The following SERGEF variants were observed in gnomAD, a reference collection of about 807,000 sequenced individuals.
SERGEF encodes secretion-regulating guanine nucleotide exchange factor.
A neutral mutation model predicts 50.0 loss-of-function variants in SERGEF; 51 were observed. The ratio of observed to expected loss-of-function variants is 1.02; its 90% CI spans 0.81 to 1.29. The LOEUF is 1.29. Ranked by LOEUF, SERGEF falls within the 50% of genes most tolerant of loss-of-function variation. The probability of loss-of-function intolerance (pLI) is 0.00; values close to 1 mark genes in which losing one functional copy is unlikely to be tolerated. For synonymous variants in SERGEF, 205 were observed against 212.4 expected, an observed-to-expected ratio of 0.97 and a Z score of 0.30; for missense variants, 521 against 557.0, an observed-to-expected ratio of 0.94 and a Z score of 0.65.
intron 9 of SERGEF, among the ~76,000 whole-genome samples, chr11:17,929,017 C>T (rs1329503151): frequency 6.6e-6 from 1 of 152,182 alleles, no homozygotes; most frequent in Non-Finnish European, 1.5e-5. Flanking sequence ...GAAACTCAAT[C>T]TATAGAATTC....
intron 8 of SERGEF, among the ~76,000 whole-genome samples, chr11:17,970,312 C>A (rs912382889): frequency 6.6e-6 from 1 of 152,152 alleles, no homozygotes; most frequent in Non-Finnish European, 1.5e-5. Context: ...GTTACTACTG[C>A]AATTATTTTG....
chr11:17,916,214 T>C lies in SERGEF; in HGVS notation c.1012-37970A>G, dbSNP rs944654438. ...TGGCTTTGTAGTAAATACATCGCTC[T>C]ATCACCTGGCCCTTCTGTACCTCTA... On this transcript the variant is annotated intron_variant, in intron 9 of 10. Transcript: ENST00000265965. Among the ~76,000 whole-genome samples the C allele has an allele frequency of 5.3e-5, 8 of 152,322 alleles. No homozygotes were observed. In the South Asian group the frequency reaches 1.7e-3, roughly 32 times the overall value.
At position 17,839,952 on chromosome 11, in the gene SERGEF, G is replaced by C. The variant is rs185167061; in HGVS notation, c.1048+38256C>G. On this transcript the variant is annotated intron_variant, in intron 10 of 10. Coordinates refer to ENST00000265965, the MANE Select transcript of SERGEF (RefSeq NM_012139.4). Reference sequence around the variant, plus strand: ...TGACTTCAAGGACACATCTGTCCTTGGCAGATTTGCCTAAGGCAGACTTAC... The same window carrying C: ...TGACTTCAAGGACACATCTGTCCTTCGCAGATTTGCCTAAGGCAGACTTAC... Among the ~76,000 whole-genome samples the C allele has an allele frequency of 1.4e-4, 21 of 152,340 alleles. No homozygotes were observed. In the East Asian group the frequency reaches 4.0e-3, roughly 29 times the overall value.
At chr11:17,940,400 C>G (rs905424015) in intron 9 of SERGEF, among the ~76,000 whole-genome samples, 2 of 152,216 alleles carry the variant, frequency 1.3e-5, no homozygotes, top group South Asian at 4.2e-4. Context: ...GTGACCGCAT[C>G]CCCCACCACC....
chr11:17,871,936 G>A (rs192230255), intron 10 of SERGEF, among the ~76,000 whole-genome samples: 1 of 152,092 alleles, frequency 6.6e-6, no homozygotes, highest in Non-Finnish European at 1.5e-5. Flanking sequence ...GCACCCAAGA[G>A]AAATAAATGC....
intron 9 of SERGEF, among the ~76,000 whole-genome samples, chr11:17,951,670 A>C (rs754310860): frequency 1.3e-5 from 2 of 152,202 alleles, no homozygotes; most frequent in Non-Finnish European, 2.9e-5. Context: ...CCTGATGAGA[A>C]CTGTCCAGAG....
chr11:17,954,429 T>G (rs1489676765), intron 9 of SERGEF, among the ~76,000 whole-genome samples: 1 of 152,176 alleles, frequency 6.6e-6, no homozygotes, highest in Non-Finnish European at 1.5e-5. Context: ...GTATTTCTCC[T>G]TCAGAAATAA....
At chr11:18,011,140 A>ACG (rs1216765182) in intron 1 of SERGEF, among the ~76,000 whole-genome samples, 2 of 142,346 alleles carry the variant, frequency 1.4e-5, no homozygotes, top group African/African-American at 5.3e-5. Context: ...GCACACATAC[A>ACG]CACACACACA....
chr11:17,999,309 T>C (rs928430799), intron 5 of SERGEF, among the ~76,000 whole-genome samples: 1 of 152,222 alleles, frequency 6.6e-6, no homozygotes, highest in African/African-American at 2.4e-5. Context: ...CATTATGTTA[T>C]TGTACTATAG....
At chr11:17,873,190 G>A (rs1322711714) in intron 10 of SERGEF, among the ~76,000 whole-genome samples, 2 of 152,138 alleles carry the variant, frequency 1.3e-5, no homozygotes, top group African/African-American at 2.4e-5. Context: ...AGAGGTGGGG[G>A]TAAAAGACCT....
intron 8 of SERGEF, among the ~76,000 whole-genome samples, chr11:17,964,488 A>C (rs1391327390): frequency 6.6e-6 from 1 of 152,192 alleles, no homozygotes; most frequent in African/African-American, 2.4e-5. Flanking sequence ...GATAGATTAG[A>C]GGATCATCCA....
At chr11:17,886,857 C>T (rs141813033) in intron 9 of SERGEF, among the ~76,000 whole-genome samples, 1 of 152,256 alleles carries the variant, frequency 6.6e-6, no homozygotes, top group Non-Finnish European at 1.5e-5. Context: ...GTGTTGATAC[C>T]ATGCAGTCCT....
At chr11:17,964,820 A>C (rs2133975983) in intron 8 of SERGEF, among the ~76,000 whole-genome samples, 1 of 152,346 alleles carries the variant, frequency 6.6e-6, no homozygotes, top group Non-Finnish European at 1.5e-5. Flanking sequence ...TGACTTCTGT[A>C]ACTCATCCTT....
chr11:17,857,228 G>A (rs1421572923), intron 10 of SERGEF, among the ~76,000 whole-genome samples: 1 of 152,164 alleles, frequency 6.6e-6, no homozygotes, highest in Non-Finnish European at 1.5e-5. Context: ...TGACCGTTCC[G>A]GACATAGCCC....
intron 10 of SERGEF, among the ~76,000 whole-genome samples, chr11:17,824,252 G>T (rs1850142677): frequency 6.6e-6 from 1 of 150,636 alleles, no homozygotes; most frequent in South Asian, 2.1e-4. Context: ...AGTGAGCCAA[G>T]ATCGCACCAC....
rs1221904314 is a variant in SERGEF, at chr11:17,991,694, T to C, written c.685+1237A>G. Among the ~76,000 whole-genome samples the C allele has an allele frequency of 2.0e-5, 3 of 152,244 alleles. No homozygotes were observed. The highest frequency in any genetic ancestry group is 4.4e-5 in the Non-Finnish European group (3 of 68,046). ...TTATTAGATGTTTGTTTTAAATTCA[T>C]TAAATGACAAATTATCTGCAGCTCA... On this transcript the variant is annotated intron_variant, in intron 7 of 10. Transcript: ENST00000265965. The surrounding 1 kb of genome is among the most constrained non-coding windows in gnomAD (Gnocchi z 4.9).
At chr11:17,988,878 G>T in intron 7 of SERGEF, 123 bp from the exon 8 acceptor site, 1 of 896,446 alleles carries the variant, frequency 1.1e-6, no homozygotes, top group Non-Finnish European at 1.6e-6. Context: ...CTACAAGGTT[G>T]AGTGGAGCCA....
chr11:17,829,110 A>G (rs558339622), intron 10 of SERGEF, among the ~76,000 whole-genome samples: 16 of 152,378 alleles, frequency 1.1e-4, no homozygotes, highest in African/African-American at 3.6e-4. Context: ...GAAACCTAGT[A>G]GGACAGTGAC....
chr11:17,798,618 C>T (rs541901589), intron 10 of SERGEF, among the ~76,000 whole-genome samples: 27 of 152,348 alleles, frequency 1.8e-4, no homozygotes, highest in Non-Finnish European at 3.8e-4. Context: ...TTAGAACTTA[C>T]AAGGTGGAAA....
Sources: allele counts gnomAD v4.1 joint callset (sites outside exome capture counted in the v4.1 genomes callset), GRCh38; gene constraint gnomAD v4.1.1; non-coding constraint Gnocchi (gnomAD v3.1); transcripts MANE v1.5; gene names NCBI Gene and HGNC (gene_info 2026-07-23, HGNC 2026-07-21).